The following KASH5 variants were observed in gnomAD, a reference collection of about 807,000 sequenced individuals.
KASH5 encodes protein KASH5.
A neutral mutation model predicts 84.2 loss-of-function variants in KASH5; 72 were observed. That is an observed-to-expected ratio of 0.85 (90% CI 0.71 to 1.04). The LOEUF (loss-of-function observed/expected upper bound fraction) is 1.04. Ranked by LOEUF, KASH5 falls within the 50% of genes least tolerant of loss-of-function variation. The pLI is 0.00. For synonymous variants in KASH5, 260 were observed against 279.1 expected, an observed-to-expected ratio of 0.93 and a Z score of 0.68; for missense variants, 650 against 701.0, an observed-to-expected ratio of 0.93 and a Z score of 0.82.
intron 2 of KASH5, chr19:49,393,790 C>T (rs968689089): frequency 6.6e-6 from 1 of 152,460 alleles, no homozygotes; most frequent in African/African-American, 2.4e-5. Context: ...CCCACCCCCC[C>T]AGTAGGGAAA....
intron 9 of KASH5, among the ~76,000 whole-genome samples, chr19:49,406,128 C>CA (rs36100015): frequency 0.44 from 42,740 of 97,520 alleles, 7,793 homozygotes; most frequent in African/African-American, 0.55. Flanking sequence ...AACTCTGGCT[C>CA]AAAAAAAAAA....
chr19:49,401,747 C>CATGT (rs1444714629), intron 9 of KASH5, among the ~76,000 whole-genome samples: 1 of 152,190 alleles, frequency 6.6e-6, no homozygotes, highest in Non-Finnish European at 1.5e-5. Flanking sequence ...CCAGACAGAT[C>CATGT]ATGTATTCCC....
At position 49,399,734 on chromosome 19, in the gene KASH5, C is replaced by A; in HGVS notation, c.798+227C>A. On this transcript the variant is annotated intron_variant, in intron 9 of 19. Transcript: ENST00000447857. The surrounding 1 kb of genome is among the most constrained non-coding windows in gnomAD (Gnocchi z 4.4). ...CATGGCTTCAGGCTGAGGCCACCTA[C>A]ATAAGAGTGGACCAGTGCCTCCCTT... The A allele has an allele frequency of 7.8e-7, 1 of 1,287,376 alleles. No homozygotes were observed. The highest frequency in any genetic ancestry group is 1.0e-6 in the Non-Finnish European group (1 of 969,632). The allele number at this position is 1,287,376 out of a possible 1,614,324, so 79.7% of individuals were successfully genotyped here. A position where few individuals can be genotyped will look rare whatever the true frequency, so the allele number is the denominator to read the frequency against.
Position 49,395,804 on chromosome 19 carries a change from G to T in KASH5, c.371G>T (p.Gly124Val). The T allele has an allele frequency of 6.4e-7, 1 of 1,565,730 alleles. No homozygotes were observed. Among genetic ancestry groups the T allele is most frequent in the East Asian group, 2.4e-5 (1 of 42,208 alleles). ...LELEEETAFQ[G>V]ALTSRQLPSG... ...CTGGAAGAGGAGACCGCCTTCCAGG[G>T]AGCCCTGACCTCCCGGCAACTGCCA... The change falls in exon 5 of 20, where the codon GGA (glycine) becomes GTA (valine). Residue 124 changes from glycine (G) to valine (V), a missense_variant. Gly to Val is a moderately radical substitution (Grantham distance 109, BLOSUM62 -3). Transcript: ENST00000447857. This position sits in a 1 kb window ranked among gnomAD's most constrained non-coding sequence, Gnocchi z 4.4.
intron 7 of KASH5, among the ~76,000 whole-genome samples, chr19:49,398,528 G>A (rs1451639748): frequency 6.6e-6 from 1 of 151,852 alleles, no homozygotes; most frequent in Non-Finnish European, 1.5e-5. Flanking sequence ...CACCCTGCTT[G>A]GCTAATTTTG....
At chr19:49,415,142 G>A in intron 17 of KASH5, 146 bp downstream of exon 17, 2 of 809,886 alleles carry the variant, frequency 2.5e-6, no homozygotes, top group Non-Finnish European at 4.1e-6. Context: ...AGATAACAAG[G>A]CCTTTGCTGT....
chr19:49,398,965 C>T, intron 7 of KASH5, 60 bp from the exon 8 acceptor site: 1 of 1,292,656 alleles, frequency 7.7e-7, no homozygotes, highest in Non-Finnish European at 1.1e-6. Context: ...ATGGATCTGT[C>T]TCTGTGCTTC....
In KASH5 at chr19:49,406,892, A is replaced by G. The variant is rs1437179461; in HGVS notation, c.805A>G (p.Lys269Glu). The change falls in exon 10 of 20, where the codon AAG becomes GAG. Residue 269 changes from lysine to glutamate, a missense_variant. Lys to Glu is a moderately conservative substitution (Grantham distance 56). Transcript: ENST00000447857. The stretch of plus-strand genomic sequence containing the variant: ...CAGCCATTCCTTCTTCTAGAACGGG[A>G]AGCTGCTTGCCGAGCGGGATGGAGT... ...EMETLQEENG[K>E]LLAERDGVKK... 5.0e-6 allele frequency: 8 copies of G among 1,605,752 alleles called. No individual in the cohort carries two copies. The highest frequency in any genetic ancestry group is 6.8e-6 in the Non-Finnish European group (8 of 1,176,108).
intron 5 of KASH5, among the ~76,000 whole-genome samples, chr19:49,396,164 C>T (rs1425940101): frequency 6.6e-6 from 1 of 151,948 alleles, no homozygotes; most frequent in African/African-American, 2.4e-5. Context: ...TGCCCTTCCT[C>T]GAATGTGCCC....
chr19:49,392,792 A>G (rs10408609), intron 2 of KASH5, among the ~76,000 whole-genome samples: 39,795 of 151,900 alleles, frequency 0.26, 5,485 homozygotes, highest in South Asian at 0.47. Flanking sequence ...GGCACCTGTA[A>G]TCCCAGCTAC....
chr19:49,415,181 G>A (rs1364746206), intron 17 of KASH5, 185 bp downstream of exon 17: 2 of 654,800 alleles, frequency 3.1e-6, no homozygotes, highest in East Asian at 2.8e-5. Flanking sequence ...TGAGGTGGGG[G>A]GAGGCCTGGA....
rs1568627729 is a variant in KASH5 at position 49,417,560 on chromosome 19, G to A, written c.*50G>A. ...AGTGTCTAGCTCAATAAATCCCCTG[G>A]CCCTCTCTCCACTGGGATCCCCATT... On this transcript the variant is annotated 3_prime_UTR_variant, in exon 20 of 20. Transcript: ENST00000447857. The surrounding 1 kb of genome is among the most constrained non-coding windows in gnomAD (Gnocchi z 5.2). 6.8e-7 allele frequency: 1 copy of A among 1,469,594 alleles called. No homozygotes were observed. The highest frequency in any genetic ancestry group is 2.5e-5 in the East Asian group (1 of 39,944). 91.0% of individuals were successfully genotyped at this position (1,469,594 alleles called of 1,614,324 possible). A position where few individuals can be genotyped will look rare whatever the true frequency, so the allele number is the denominator to read the frequency against.
At position 49,397,560 on chromosome 19, in the gene KASH5, G is replaced by A. The variant is rs1333289535; in HGVS notation, c.401-91G>A. On this transcript the variant is annotated intron_variant, in intron 5 of 19. Transcript: ENST00000447857. Reference sequence around the variant, plus strand: ...ATTCTCCAGAGCACAGGTGAGGGTGGAGGCAGATGGAGTCCAACCTCAGAG... The same window carrying A: ...ATTCTCCAGAGCACAGGTGAGGGTGAAGGCAGATGGAGTCCAACCTCAGAG... 1.1e-5 allele frequency: 12 copies of A among 1,113,508 alleles called. No individual in the cohort carries two copies. The East Asian group carries it at 1.9e-4, about 17-fold the overall frequency. 69.0% of individuals were successfully genotyped at this position (1,113,508 alleles called of 1,614,324 possible).
intron 9 of KASH5, among the ~76,000 whole-genome samples, chr19:49,403,111 A>G (rs1462072037): frequency 1.3e-5 from 2 of 152,226 alleles, no homozygotes; most frequent in Non-Finnish European, 2.9e-5. Flanking sequence ...TAATCCCAGC[A>G]CTGTGGGAGG....
In KASH5 at chr19:49,417,163, G is replaced by C; in HGVS notation, c.1444G>C (p.Ala482Pro). 3.1e-6 allele frequency: 5 copies of C among 1,613,698 alleles called. No homozygotes were observed. In the South Asian group the frequency reaches 5.5e-5, roughly 18 times the overall value. Residue 482 changes from alanine (A) to proline (P), a missense_variant, in exon 19 of 20, where the codon GCG becomes CCG. Ala to Pro is a conservative substitution (Grantham distance 27). Coordinates refer to ENST00000447857, the MANE Select transcript of KASH5 (RefSeq NM_144688.5). The surrounding 1 kb of genome is among the most constrained non-coding windows in gnomAD (Gnocchi z 5.2). The stretch of plus-strand genomic sequence containing the variant: ...TTCCCTCCTTCACCCCAGCAGACCT[G>C]CGCGGCGGGAACTCCAGCAAGCCCT... ...DIPENPPERP[A>P]RRELQQALVP... is the part of the protein sequence containing the mutation.
intron 12 of KASH5, 67 bp from the exon 13 acceptor site, chr19:49,408,900 C>G: frequency 2.7e-6 from 4 of 1,504,576 alleles, no homozygotes; most frequent in Non-Finnish European, 3.6e-6. Context: ...GGAAGAGGAG[C>G]CCAGAGGTGG....
rs749363181 is a variant in KASH5, at chr19:49,409,788, T to C, written c.1182T>C (p.Pro394=). The C allele has an allele frequency of 5.6e-6, 9 of 1,613,910 alleles. No individual in the cohort carries two copies. The South Asian group carries it at 9.9e-5, about 18-fold the overall frequency. The change falls in exon 15 of 20, where the codon CCT becomes CCC. Residue 394 remains proline, a synonymous_variant. Transcript: ENST00000447857. ...TGGCAACTGCTGATCTCTCCAACCC[T>C]CTGTGTGGGGTGTGGCAGTGGGAGG... is the stretch of plus-strand genomic sequence containing the variant. ...QEVATADLSN[P]LCGVWQWEEV...
chr19:49,411,317 C>T (rs1255665194), intron 15 of KASH5, among the ~76,000 whole-genome samples: 11 of 152,102 alleles, frequency 7.2e-5, no homozygotes, highest in Middle Eastern at 3.4e-3. Context: ...TTGAGAACTG[C>T]ACCACTTCAA....
At position 49,398,188 on chromosome 19, in the gene KASH5, G is replaced by A. The variant is rs370812117; in HGVS notation, c.629+45G>A. ...CACCCTCCCCAGCGCCCCTGCCTCC[G>A]TCCTCCCTGCAGCAGCCGGCCTCTA... is the stretch of plus-strand genomic sequence containing the variant. On this transcript the variant is annotated intron_variant, in intron 7 of 19. Coordinates refer to ENST00000447857, the MANE Select transcript of KASH5 (RefSeq NM_144688.5). The A allele has an allele frequency of 6.6e-5, 99 of 1,500,420 alleles. 1 individual carries two copies. The East Asian group carries it at 1.8e-3, about 28-fold the overall frequency. 92.9% of individuals were successfully genotyped at this position (1,500,420 alleles called of 1,614,324 possible). A position where few individuals can be genotyped will look rare whatever the true frequency, so the allele number is the denominator to read the frequency against.
Sources: allele counts gnomAD v4.1 joint callset (sites outside exome capture counted in the v4.1 genomes callset), GRCh38; gene constraint gnomAD v4.1.1; non-coding constraint Gnocchi (gnomAD v3.1); transcripts MANE v1.5; gene names NCBI Gene and HGNC (gene_info 2026-07-23, HGNC 2026-07-21).